PLA2R1: variants seen among roughly 807,000 people sequenced by gnomAD.
The protein encoded by PLA2R1 is secretory phospholipase A2 receptor.
A neutral mutation model predicts 195.9 loss-of-function variants in PLA2R1; 158 were observed. The observed-to-expected ratio is 0.81, with a 90% confidence interval of 0.71 to 0.92. The LOEUF (loss-of-function observed/expected upper bound fraction) is 0.92. Ranked by LOEUF, PLA2R1 falls within the 40% of genes least tolerant of loss-of-function variation. The pLI is 0.00. For synonymous variants in PLA2R1, 586 were observed against 598.2 expected, an observed-to-expected ratio of 0.98 and a Z score of 0.30; for missense variants, 1,626 against 1,764.6, an observed-to-expected ratio of 0.92 and a Z score of 1.41.
In PLA2R1 at chr2:160,022,773, C is replaced by T; in HGVS notation, c.1186G>A (p.Glu396Lys). Residue 396 changes from glutamate to lysine, a missense_variant, in exon 7 of 30, where the codon GAA (glutamate) becomes AAA (lysine). Coordinates refer to ENST00000283243, the MANE Select transcript of PLA2R1 (RefSeq NM_007366.5). ...CGCAGAGCCTCATGCCAGGTCTTTT[C>T]TTCTTTCTGAAGTTTGTAGCAATTA... ...NRNCYKLQKE[E>K]KTWHEALRSC... is the part of the protein sequence containing the mutation. 1.2e-6 allele frequency: 2 copies of T among 1,613,712 alleles called. No individual in the cohort carries two copies. The highest frequency in any genetic ancestry group is 1.7e-6 in the Non-Finnish European group (2 of 1,179,600).
intron 14 of PLA2R1, among the ~76,000 whole-genome samples, chr2:159,977,937 AT>A (rs1285159446): frequency 1.3e-5 from 2 of 152,110 alleles, no homozygotes; most frequent in Non-Finnish European, 2.9e-5. Context: ...CTCAAAAAAA[AT>A]AAATAAATAA....
chr2:160,008,681 A>G (rs771007148), intron 10 of PLA2R1, among the ~76,000 whole-genome samples: 1 of 152,366 alleles, frequency 6.6e-6, no homozygotes, highest in East Asian at 1.9e-4. Flanking sequence ...AGGCAACGGA[A>G]TAAGAAATTA....
At chr2:159,974,621 C>T (rs1193581237) in intron 17 of PLA2R1, among the ~76,000 whole-genome samples, 1 of 152,134 alleles carries the variant, frequency 6.6e-6, no homozygotes, top group East Asian at 1.9e-4. Flanking sequence ...TAGAATTGAA[C>T]ATGCTCATAT....
intron 10 of PLA2R1, among the ~76,000 whole-genome samples, chr2:160,011,803 C>G (rs1472958038): frequency 6.6e-6 from 1 of 152,128 alleles, no homozygotes; most frequent in Non-Finnish European, 1.5e-5. Flanking sequence ...GCCTGTTAGC[C>G]AAACCTGGGA....
chr2:160,044,907 C>G lies in PLA2R1; in HGVS notation c.360G>C (p.Lys120Asn). ...AGTACTGCAGCGGGCCTGTGATCATCTTCCTGTTACAGCGCCACCGTAAGG... is the reference window on the plus strand; with the variant it reads ...AGTACTGCAGCGGGCCTGTGATCATGTTCCTGTTACAGCGCCACCGTAAGG... ...LVSLRWRCNR[K>N]MITGPLQYSV... Residue 120 changes from lysine to asparagine, a missense_variant, in exon 2 of 30, where the codon AAG becomes AAC. Coordinates refer to ENST00000283243, the MANE Select transcript of PLA2R1 (RefSeq NM_007366.5). 1 of 1,614,150 alleles carries G rather than the reference C, an allele frequency of 6.2e-7. No homozygotes were observed. Among genetic ancestry groups the G allele is most frequent in the Non-Finnish European group, 8.5e-7 (1 of 1,180,034 alleles).
chr2:160,010,256 T>A (rs1487730726), intron 10 of PLA2R1, among the ~76,000 whole-genome samples: 1 of 152,240 alleles, frequency 6.6e-6, no homozygotes, highest in Non-Finnish European at 1.5e-5. Flanking sequence ...TAGACATACA[T>A]GGATTTAGCC....
chr2:160,037,756 A>G (rs1694251178), intron 3 of PLA2R1, among the ~76,000 whole-genome samples: 1 of 151,988 alleles, frequency 6.6e-6, no homozygotes, highest in African/African-American at 2.4e-5. Flanking sequence ...GACAACTTCT[A>G]CTCATCTCTT....
In PLA2R1 at chr2:159,932,929, A is replaced by T. The variant is rs1202773375; in HGVS notation, c.*8849T>A. 1 of 152,186 alleles carries T rather than the reference A, an allele frequency of 6.6e-6. No individual in the cohort carries two copies. The highest frequency in any genetic ancestry group is 1.5e-5 in the Non-Finnish European group (1 of 68,016). The allele number at this position is 152,186 out of a possible 1,614,324, so 9.4% of individuals were successfully genotyped here. On this transcript the variant is annotated 3_prime_UTR_variant, in exon 30 of 30. Coordinates refer to ENST00000283243, the MANE Select transcript of PLA2R1 (RefSeq NM_007366.5). ...GAGAAACAGAAACACATTTTACATT[A>T]ATCTTGAAAAATCAATTTCCATTAA...
chr2:159,995,627 T>C (rs1405082269), intron 11 of PLA2R1, among the ~76,000 whole-genome samples: 1 of 152,112 alleles, frequency 6.6e-6, no homozygotes, highest in African/African-American at 2.4e-5. Context: ...CAAATTGTGA[T>C]GTTACTTGTT....
chr2:160,054,537 CTA>C (rs1236523922), intron 1 of PLA2R1, among the ~76,000 whole-genome samples: 2 of 152,182 alleles, frequency 1.3e-5, no homozygotes, highest in African/African-American at 4.8e-5. Context: ...AGTGGTAACA[CTA>C]TTTTATTTCC....
At chr2:160,021,782 A>AT (rs548780958) in intron 7 of PLA2R1, among the ~76,000 whole-genome samples, 161 of 152,254 alleles carry the variant, frequency 1.1e-3, no homozygotes, top group African/African-American at 3.6e-3. Flanking sequence ...TTTTTAAAGT[A>AT]TTTTTTTCCT....
At chr2:160,017,923 A>G (rs1319950830) in intron 8 of PLA2R1, among the ~76,000 whole-genome samples, 1 of 152,204 alleles carries the variant, frequency 6.6e-6, no homozygotes, top group Non-Finnish European at 1.5e-5. Flanking sequence ...ATCCAGTTAC[A>G]GGATAGTGTC....
chr2:160,023,776 C>T (rs1288357137), intron 6 of PLA2R1, among the ~76,000 whole-genome samples: 1 of 152,174 alleles, frequency 6.6e-6, no homozygotes, highest in Non-Finnish European at 1.5e-5. Context: ...ACAGGAACAG[C>T]CAAAGCAATG....
chr2:159,942,994 C>T (rs1406915309), intron 28 of PLA2R1, among the ~76,000 whole-genome samples: 6 of 141,060 alleles, frequency 4.3e-5, no homozygotes, highest in Admixed American at 3.0e-4. Flanking sequence ...TTTTTTGAGG[C>T]GAAGTCTCAC....
intron 25 of PLA2R1, among the ~76,000 whole-genome samples, chr2:159,948,723 A>G (rs1241540668): frequency 6.6e-6 from 1 of 151,922 alleles, no homozygotes; most frequent in Admixed American, 6.6e-5. Context: ...TTTCCAAGAT[A>G]TATGTGGCTA....
intron 1 of PLA2R1, among the ~76,000 whole-genome samples, chr2:160,045,416 G>A (rs2105619615): frequency 6.6e-6 from 1 of 152,292 alleles, no homozygotes; most frequent in Admixed American, 6.5e-5. Context: ...GGGAACAAGG[G>A]TTACCTGCCA....
intron 11 of PLA2R1, among the ~76,000 whole-genome samples, chr2:159,997,388 G>A (rs12692580): frequency 0.22 from 33,135 of 152,004 alleles, 4,096 homozygotes; most frequent in Admixed American, 0.38. Context: ...CTCCAGATAA[G>A]TTAGGCTCTG....
chr2:160,046,161 G>C (rs995256268), intron 1 of PLA2R1, among the ~76,000 whole-genome samples: 1 of 152,238 alleles, frequency 6.6e-6, no homozygotes, highest in Non-Finnish European at 1.5e-5. Flanking sequence ...TAAGTATGGA[G>C]TGTGCTGGGC....
chr2:159,980,803 T>C (rs549986985), intron 13 of PLA2R1, among the ~76,000 whole-genome samples: 2 of 152,370 alleles, frequency 1.3e-5, no homozygotes, highest in South Asian at 4.1e-4. Context: ...AATATTCAGA[T>C]GTCAGGACAG....
Sources: gnomAD v4.1 joint callset for allele counts (sites outside exome capture counted in the v4.1 genomes callset) on GRCh38, gnomAD v4.1.1 for gene constraint, MANE v1.5 for transcripts, NCBI Gene and HGNC (gene_info 2026-07-23, HGNC 2026-07-21) for gene names.